DAPP1: variants seen among roughly 807,000 people sequenced by gnomAD.
DAPP1 encodes dual adaptor of phosphotyrosine and 3-phosphoinositides 1.
DAPP1 carries 20 observed loss-of-function variants against 41.5 expected under a neutral mutation model. The ratio of observed to expected loss-of-function variants is 0.48; its 90% CI spans 0.34 to 0.70. DAPP1 has a LOEUF of 0.70. Among genes scored for constraint, DAPP1 ranks in the 30% least tolerant of loss-of-function variants. The pLI, the probability that DAPP1 is intolerant of heterozygous loss-of-function variation, is 0.01. For missense variants in DAPP1, 233 were observed against 333.4 expected, an observed-to-expected ratio of 0.70 and a Z score of 2.35; for synonymous variants, 113 against 116.2, an observed-to-expected ratio of 0.97 and a Z score of 0.18.
chr4:99,860,179 AC>A (rs918142595), intron 4 of DAPP1, among the ~76,000 whole-genome samples: 3 of 152,178 alleles, frequency 2.0e-5, no homozygotes, highest in Non-Finnish European at 4.4e-5. Context: ...ACATCTGGAG[AC>A]CCTGAATAAA....
At chr4:99,837,596 T>C (rs1444637348) in intron 2 of DAPP1, among the ~76,000 whole-genome samples, 2 of 152,220 alleles carry the variant, frequency 1.3e-5, no homozygotes, top group East Asian at 3.8e-4. Flanking sequence ...ACAGCAAATG[T>C]TAAAAGTTCA....
intron 3 of DAPP1, among the ~76,000 whole-genome samples, chr4:99,852,396 TTGAC>T (rs1287580189): frequency 6.6e-6 from 1 of 152,190 alleles, no homozygotes; most frequent in Non-Finnish European, 1.5e-5. Flanking sequence ...TAGTTTCTGA[TTGAC>T]TGATTGATTG....
intron 3 of DAPP1, among the ~76,000 whole-genome samples, chr4:99,846,166 C>T (rs1446636650): frequency 6.6e-6 from 1 of 152,192 alleles, no homozygotes; most frequent in African/African-American, 2.4e-5. Context: ...CTTTCTCAAG[C>T]TGCCTCCTAA....
intron 1 of DAPP1, 86 bp downstream of exon 1, chr4:99,817,100 C>T: frequency 3.1e-6 from 3 of 983,302 alleles, no homozygotes; most frequent in South Asian, 1.6e-5. Context: ...TAATGACTAT[C>T]TTCAGTGCCT....
At chr4:99,846,207 C>T (rs1163210418) in intron 3 of DAPP1, among the ~76,000 whole-genome samples, 1 of 152,178 alleles carries the variant, frequency 6.6e-6, no homozygotes, top group African/African-American at 2.4e-5. Flanking sequence ...TTGATTTATA[C>T]ATGTCAACTC....
At position 99,843,151 on chromosome 4, in the gene DAPP1, G is replaced by A. The variant is rs202101737; in HGVS notation, c.358+2729G>A. On this transcript the variant is annotated intron_variant, in intron 3 of 8. Coordinates refer to ENST00000512369, the MANE Select transcript of DAPP1 (RefSeq NM_014395.3). ...CCAGCCTCACCCTGCAGGGTCTAGA[G>A]GGTAAGTTTATTAAAGAGTGACTTT... Among the ~76,000 whole-genome samples the A allele has an allele frequency of 1.5e-4, 23 of 152,248 alleles. No homozygotes were observed. The East Asian group carries it at 3.3e-3, about 22-fold the overall frequency.
chr4:99,871,189 A>G (rs139984087), downstream of DAPP1, among the ~76,000 whole-genome samples: 381 of 152,302 alleles, frequency 2.5e-3, 3 homozygotes, highest in African/African-American at 8.5e-3. Flanking sequence ...GCAGAAAGCA[A>G]GAGAACTACT....
intron 7 of DAPP1, 121 bp downstream of exon 7, chr4:99,863,976 G>A (rs1724332301): frequency 1.5e-6 from 1 of 652,188 alleles, no homozygotes; most frequent in Admixed American, 3.2e-5. Context: ...GGGCATGCCT[G>A]CATGTAAGGA....
chr4:99,839,907 C>T (rs1309109961), intron 2 of DAPP1, among the ~76,000 whole-genome samples: 3 of 152,120 alleles, frequency 2.0e-5, no homozygotes, highest in African/African-American at 7.2e-5. Context: ...ACTAAATATA[C>T]AAAAATTAGC....
At chr4:99,833,538 T>C (rs965096521) in intron 1 of DAPP1, among the ~76,000 whole-genome samples, 1 of 152,230 alleles carries the variant, frequency 6.6e-6, no homozygotes, top group African/African-American at 2.4e-5. Context: ...TCAGTGGATA[T>C]CAGTGTGGTT....
At chr4:99,846,761 G>A (rs908447140) in intron 3 of DAPP1, among the ~76,000 whole-genome samples, 1 of 152,154 alleles carries the variant, frequency 6.6e-6, no homozygotes, top group African/African-American at 2.4e-5. Context: ...TTGGATATTT[G>A]AACAGAATTT....
intron 4 of DAPP1, among the ~76,000 whole-genome samples, chr4:99,857,061 A>G (rs937546127): frequency 7.2e-5 from 11 of 152,348 alleles, no homozygotes; most frequent in African/African-American, 2.6e-4. Flanking sequence ...AACCTTGACA[A>G]GAGACCCGTG....
At chr4:99,870,959 C>T (rs1456445406), downstream of DAPP1, among the ~76,000 whole-genome samples, 5 of 152,060 alleles carry the variant, frequency 3.3e-5, no homozygotes, top group East Asian at 7.7e-4. Flanking sequence ...TTAAAATGAG[C>T]TTATTGGAAT....
At chr4:99,844,544 T>C (rs1723601934) in intron 3 of DAPP1, 1 of 152,254 alleles carries the variant, frequency 6.6e-6, no homozygotes, top group Non-Finnish European at 1.5e-5. Flanking sequence ...CTTAAATGTC[T>C]AAATATGATT....
At chr4:99,850,899 T>C (rs956076144) in intron 3 of DAPP1, among the ~76,000 whole-genome samples, 4 of 152,240 alleles carry the variant, frequency 2.6e-5, no homozygotes, top group African/African-American at 9.6e-5. Context: ...GGAAGCATAA[T>C]TATTCTCACT....
chr4:99,853,841 G>A (rs1187771472), intron 4 of DAPP1, among the ~76,000 whole-genome samples: 1 of 152,102 alleles, frequency 6.6e-6, no homozygotes, highest in East Asian at 1.9e-4. Flanking sequence ...TGAAAGCAAT[G>A]CAATAGTAAT....
intron 1 of DAPP1, among the ~76,000 whole-genome samples, chr4:99,819,913 T>A (rs1448871411): frequency 6.6e-6 from 1 of 152,184 alleles, no homozygotes; most frequent in Non-Finnish European, 1.5e-5. Flanking sequence ...CCAGGACATA[T>A]ACAACTTGCT....
At chr4:99,842,421 T>C (rs115680680) in intron 3 of DAPP1, among the ~76,000 whole-genome samples, 1,671 of 152,394 alleles carry the variant, frequency 0.011, 39 homozygotes, top group African/African-American at 0.037. Flanking sequence ...ATTCCTGCTT[T>C]CGGCCCCTCG....
At chr4:99,870,533 T>C (rs534504106), downstream of DAPP1, among the ~76,000 whole-genome samples, 1 of 152,254 alleles carries the variant, frequency 6.6e-6, no homozygotes, top group East Asian at 1.9e-4. Flanking sequence ...AGACTAGGTG[T>C]TTTGCCTGCC....
Sources: gnomAD v4.1 joint callset for allele counts (sites outside exome capture counted in the v4.1 genomes callset) on GRCh38, gnomAD v4.1.1 for gene constraint, MANE v1.5 for transcripts, NCBI Gene and HGNC (gene_info 2026-07-23, HGNC 2026-07-21) for gene names.